The following TOX2 variants were observed in gnomAD, a reference collection of about 807,000 sequenced individuals.
TOX2 encodes granulosa cell HMG box 1.
In TOX2, 15 loss-of-function variants were observed where a neutral mutation model predicts 47.4. The ratio of observed to expected loss-of-function variants is 0.32; its 90% CI spans 0.21 to 0.49. TOX2 has a LOEUF of 0.49. Among genes scored for constraint, TOX2 ranks in the 20% least tolerant of loss-of-function variants. The pLI is 0.99. For synonymous variants in TOX2, 290 were observed against 296.6 expected, an observed-to-expected ratio of 0.98 and a Z score of 0.23; for missense variants, 622 against 673.1, an observed-to-expected ratio of 0.92 and a Z score of 0.84.
In TOX2 at chr20:44,049,661, C is replaced by T. The variant is rs560360669; in HGVS notation, c.412-1645C>T. ...GCTGTCCCTCCCCTTGCCCCCTCAA[C>T]GCGCCCCAGTGTGTAGTTCCCCTCC... On this transcript the variant is annotated intron_variant, in intron 3 of 8. Transcript: ENST00000341197. Among the ~76,000 whole-genome samples, 385 of 152,250 alleles carry T rather than the reference C, an allele frequency of 2.5e-3. 2 individuals carry two copies. The South Asian group carries it at 0.033, about 13-fold the overall frequency.
At chr20:44,057,912 C>T (rs542312852) in intron 5 of TOX2, among the ~76,000 whole-genome samples, 1 of 146,744 alleles carries the variant, frequency 6.8e-6, no homozygotes, top group South Asian at 2.1e-4. Flanking sequence ...GGCCATGTGT[C>T]TTTCATCATC....
chr20:43,999,353 T>A (rs1380878786), intron 2 of TOX2, among the ~76,000 whole-genome samples: 1 of 152,168 alleles, frequency 6.6e-6, no homozygotes, highest in African/African-American at 2.4e-5. Context: ...TCCTTAAAAT[T>A]ATAACAAATA....
intron 1 of TOX2, among the ~76,000 whole-genome samples, chr20:43,953,214 T>A (rs2069610764): frequency 8.0e-6 from 1 of 124,356 alleles, no homozygotes; most frequent in Non-Finnish European, 1.7e-5. Flanking sequence ...GACTTCGGGC[T>A]TTCCAGAACT....
chr20:43,949,089 A>C (rs965270288), intron 1 of TOX2, among the ~76,000 whole-genome samples: 4 of 152,080 alleles, frequency 2.6e-5, no homozygotes, highest in African/African-American at 9.7e-5. Flanking sequence ...GTTACTCTCA[A>C]TGGCCCTTTT....
At chr20:44,030,664 T>C (rs1490615327) in intron 3 of TOX2, among the ~76,000 whole-genome samples, 4 of 152,136 alleles carry the variant, frequency 2.6e-5, no homozygotes, top group African/African-American at 9.7e-5. Context: ...TGTGACTGTG[T>C]ATTGATTTGG....
intron 1 of TOX2, among the ~76,000 whole-genome samples, chr20:43,956,753 C>T (rs1223341385): frequency 2.6e-5 from 4 of 152,086 alleles, no homozygotes; most frequent in Admixed American, 6.5e-5. Context: ...TTCCCATGTC[C>T]GCAGTGGTGT....
At chr20:43,968,592 G>A (rs1227189450) in intron 1 of TOX2, among the ~76,000 whole-genome samples, 1 of 152,084 alleles carries the variant, frequency 6.6e-6, no homozygotes, top group Non-Finnish European at 1.5e-5. Flanking sequence ...TCATGAAAGG[G>A]TTATCCCTAC....
chr20:43,972,431 C>G (rs747266297), intron 1 of TOX2, among the ~76,000 whole-genome samples: 1 of 152,212 alleles, frequency 6.6e-6, no homozygotes, highest in Non-Finnish European at 1.5e-5. Context: ...CCAAGGAGTA[C>G]TTTCTTAATA....
At chr20:44,028,404 G>A (rs114041066) in intron 3 of TOX2, among the ~76,000 whole-genome samples, 1 of 152,310 alleles carries the variant, frequency 6.6e-6, no homozygotes, top group African/African-American at 2.4e-5. Flanking sequence ...TGCTGGAGGA[G>A]AAAATAACCT....
At chr20:44,065,014 C>T (rs1427056621) in intron 6 of TOX2, among the ~76,000 whole-genome samples, 157 bp downstream of exon 6, 1 of 152,206 alleles carries the variant, frequency 6.6e-6, no homozygotes, top group Non-Finnish European at 1.5e-5. Context: ...TACAGCATGC[C>T]AGGCTCATTC....
At chr20:44,053,162 A>T (rs1400721186) in intron 4 of TOX2, among the ~76,000 whole-genome samples, 1 of 152,138 alleles carries the variant, frequency 6.6e-6, no homozygotes, top group Admixed American at 6.5e-5. Flanking sequence ...AGACCCACTG[A>T]GGTCTGTGGT....
At chr20:43,951,236 T>G (rs574674751) in intron 1 of TOX2, among the ~76,000 whole-genome samples, 2 of 152,178 alleles carry the variant, frequency 1.3e-5, no homozygotes, top group Admixed American at 1.3e-4. Flanking sequence ...CCTAGGTAGA[T>G]AGCCTTCACG....
Position 43,934,136 on chromosome 20 carries a change from GGAGA to G in TOX2, c.99+19175_99+19178del, listed in dbSNP as rs56662660. 3.1e-3 allele frequency among the ~76,000 whole-genome samples: 384 copies of G among 122,152 alleles called. 4 individuals carry two copies. Among genetic ancestry groups the G allele is most frequent in the East Asian group, 0.018 (75 of 4,100 alleles). 80.1% of individuals were successfully genotyped at this position (122,152 alleles called of 152,430 possible). ...GCTCTTATTTCAGAGCCCAAGGTAA[GGAGA>G]GAGAGAGAGAGAGAGAGAGAGAGAG... is the stretch of plus-strand genomic sequence containing the variant. On this transcript the variant is annotated intron_variant, in intron 1 of 8. Coordinates refer to ENST00000341197, the MANE Select transcript of TOX2 (RefSeq NM_001098797.2).
intron 2 of TOX2, among the ~76,000 whole-genome samples, chr20:43,986,445 C>A (rs1437642890): frequency 6.6e-6 from 1 of 152,016 alleles, no homozygotes. Context: ...TCATGCCCAG[C>A]TAATTTTTGT....
At chr20:44,053,641 T>C (rs992311880) in intron 4 of TOX2, among the ~76,000 whole-genome samples, 1 of 149,728 alleles carries the variant, frequency 6.7e-6, no homozygotes, top group Admixed American at 6.6e-5. Flanking sequence ...TATATACACA[T>C]ATACACACAT....
At chr20:44,030,764 G>C (rs1470694328) in intron 3 of TOX2, among the ~76,000 whole-genome samples, 2 of 152,176 alleles carry the variant, frequency 1.3e-5, no homozygotes, top group African/African-American at 4.8e-5. Context: ...AGATGTGCCT[G>C]CTATAAAGTG....
At chr20:43,932,625 G>T (rs1019557117) in intron 1 of TOX2, among the ~76,000 whole-genome samples, 7 of 152,150 alleles carry the variant, frequency 4.6e-5, no homozygotes, top group Non-Finnish European at 1.0e-4. Flanking sequence ...GCTGGCCCTG[G>T]GGTCTTCTCT....
chr20:43,972,059 GC>G (rs1476895832), intron 1 of TOX2, among the ~76,000 whole-genome samples: 3 of 152,156 alleles, frequency 2.0e-5, no homozygotes, highest in African/African-American at 7.2e-5. Context: ...TGCTATTGGT[GC>G]CCCACTCAGA....
chr20:44,025,106 A>C (rs1170707296), intron 3 of TOX2, among the ~76,000 whole-genome samples: 1 of 152,204 alleles, frequency 6.6e-6, no homozygotes, highest in Non-Finnish European at 1.5e-5. Flanking sequence ...TTTCTATTAT[A>C]AACTCTCTTG....
Sources: gnomAD v4.1 joint callset for allele counts (sites outside exome capture counted in the v4.1 genomes callset) on GRCh38, gnomAD v4.1.1 for gene constraint, MANE v1.5 for transcripts, NCBI Gene and HGNC (gene_info 2026-07-23, HGNC 2026-07-21) for gene names.